IL1RAPL1: variants seen among roughly 807,000 people sequenced by gnomAD.
IL1RAPL1 encodes interleukin-1 receptor accessory protein-like 1.
A neutral mutation model predicts 48.4 loss-of-function variants in IL1RAPL1; 3 were observed. The ratio of observed to expected loss-of-function variants is 0.06; its 90% CI spans 0.03 to 0.16. The LOEUF is 0.16. Among genes scored for constraint, IL1RAPL1 ranks in the 10% least tolerant of loss-of-function variants. IL1RAPL1 has a pLI of 1.00. For synonymous variants in IL1RAPL1, 185 were observed against 187.7 expected, an observed-to-expected ratio of 0.99 and a Z score of 0.12; for missense variants, 349 against 530.6, an observed-to-expected ratio of 0.66 and a Z score of 3.36.
chrX:29,534,828 G>A (rs1041338715), intron 5 of IL1RAPL1, among the ~76,000 whole-genome samples: 5 of 109,977 alleles, frequency 4.5e-5, no homozygotes, highest in African/African-American at 1.7e-4. Context: ...AATTAGCCGG[G>A]CGTGGTGGCG....
chrX:29,887,374 C>T (rs1235360127), intron 6 of IL1RAPL1, among the ~76,000 whole-genome samples: 1 of 112,291 alleles, frequency 8.9e-6, no homozygotes, highest in East Asian at 2.8e-4. Flanking sequence ...GTGGAAGATG[C>T]CTTAGAGCTG....
At chrX:29,716,342 C>T (rs1927483812) in intron 6 of IL1RAPL1, among the ~76,000 whole-genome samples, 1 of 110,872 alleles carries the variant, frequency 9.0e-6, no homozygotes, top group African/African-American at 3.3e-5. Flanking sequence ...AAAGTTGGTC[C>T]CTGGAGAGCC....
intron 6 of IL1RAPL1, among the ~76,000 whole-genome samples, chrX:29,823,859 G>C (rs1930673373): frequency 9.0e-6 from 1 of 111,370 alleles, no homozygotes; most frequent in Middle Eastern, 4.6e-3. Context: ...TTTAAATTTT[G>C]CTCTGAAGAA....
At chrX:29,015,990 G>T (rs1277089186) in intron 2 of IL1RAPL1, among the ~76,000 whole-genome samples, 1 of 111,968 alleles carries the variant, frequency 8.9e-6, no homozygotes, top group East Asian at 2.8e-4. Context: ...TTAGTGGGTA[G>T]AGAAAGTGGT....
At chrX:29,211,077 A>AAC (rs1569260772) in intron 2 of IL1RAPL1, among the ~76,000 whole-genome samples, 1 of 104,621 alleles carries the variant, frequency 9.6e-6, no homozygotes, top group African/African-American at 3.5e-5. Context: ...TCCCTTCTTA[A>AAC]ACACACACAC....
At chrX:28,642,042 A>G (rs1270919349) in intron 1 of IL1RAPL1, among the ~76,000 whole-genome samples, 1 of 111,588 alleles carries the variant, frequency 9.0e-6, no homozygotes, top group East Asian at 2.8e-4. Flanking sequence ...CTTTAAACCA[A>G]CAAAGATAAA....
At chrX:29,593,700 A>C (rs779343470) in intron 5 of IL1RAPL1, among the ~76,000 whole-genome samples, 1 of 112,238 alleles carries the variant, frequency 8.9e-6, no homozygotes, top group East Asian at 2.8e-4. Flanking sequence ...TTTACTCATT[A>C]GTTAAATAGA....
At chrX:29,916,737 G>C (rs925413389) in intron 6 of IL1RAPL1, among the ~76,000 whole-genome samples, 1 of 111,892 alleles carries the variant, frequency 8.9e-6, no homozygotes, top group Non-Finnish European at 1.9e-5. Flanking sequence ...CCACCTTTTA[G>C]AAAGAGACTT....
At chrX:29,333,454 G>A (rs1431576590) in intron 3 of IL1RAPL1, among the ~76,000 whole-genome samples, 15 of 46,416 alleles carry the variant, frequency 3.2e-4, no homozygotes, top group Non-Finnish European at 4.9e-4. Flanking sequence ...CGGGCAGAGG[G>A]GCTCCTCACT....
chrX:29,016,858 CAT>C (rs1300334281), intron 2 of IL1RAPL1, among the ~76,000 whole-genome samples: 2 of 111,257 alleles, frequency 1.8e-5, no homozygotes, highest in Non-Finnish European at 3.8e-5. Context: ...CAGAGTAAAA[CAT>C]ATATACACAT....
rs746664616 is a variant in IL1RAPL1, at chrX:29,507,051, A to G, written c.703+107743A>G. ...TCTGTCAGAGTTTCTTCACTTCTCT[A>G]TGGCCCTAAGAACTGTCTCATCCTC... On this transcript the variant is annotated intron_variant, in intron 5 of 10. Transcript: ENST00000378993. Among the ~76,000 whole-genome samples the G allele has an allele frequency of 2.8e-5, 3 of 109,052 alleles. No individual in the cohort carries two copies. In the South Asian group the frequency reaches 1.2e-3, roughly 45 times the overall value. 94.7% of individuals were successfully genotyped at this position (109,052 alleles called of 115,157 possible).
intron 2 of IL1RAPL1, among the ~76,000 whole-genome samples, chrX:29,090,526 G>A (rs1359606478): frequency 9.0e-6 from 1 of 111,246 alleles, no homozygotes; most frequent in Non-Finnish European, 1.9e-5. Context: ...AAGACATTTT[G>A]GTTTTATTAA....
chrX:29,025,011 T>G (rs887447602), intron 2 of IL1RAPL1, among the ~76,000 whole-genome samples: 9 of 111,473 alleles, frequency 8.1e-5, no homozygotes, highest in African/African-American at 2.9e-4. Context: ...CCAGTTTCTG[T>G]TTCTATAGGT....
intron 3 of IL1RAPL1, among the ~76,000 whole-genome samples, chrX:29,333,289 C>A (rs1250781827): frequency 4.7e-5 from 5 of 106,860 alleles, no homozygotes; most frequent in Non-Finnish European, 9.8e-5. Context: ...TGACCCCCCC[C>A]ACCATCCTCC....
intron 5 of IL1RAPL1, among the ~76,000 whole-genome samples, chrX:29,439,851 G>GTTTTTTTTTTTTTTTTTTTTTGT (rs760458968): frequency 5.0e-5 from 3 of 59,848 alleles, no homozygotes; most frequent in Non-Finnish European, 8.7e-5. Flanking sequence ...TGTTTGTTTG[G>GTTTTTTTTTTTTTTTTTTTTTGT]TTTTTTTTTT....
At position 29,363,057 on chromosome X, in the gene IL1RAPL1, G is replaced by A. The variant is rs1186258885; in HGVS notation, c.363-33201G>A. On this transcript the variant is annotated intron_variant, in intron 3 of 10. Coordinates refer to ENST00000378993, the MANE Select transcript of IL1RAPL1 (RefSeq NM_014271.4). ...ACAGTATGTGGAAGAGCCAGGTTTT[G>A]AAATTAGACAGTCTGGTTCCAGAGG... Among the ~76,000 whole-genome samples, 3 of 111,718 alleles carry A rather than the reference G, an allele frequency of 2.7e-5. No homozygotes were observed. The Admixed American group carries it at 2.9e-4, about 11-fold the overall frequency.
chrX:29,776,809 G>T (rs1929210258), intron 6 of IL1RAPL1, among the ~76,000 whole-genome samples: 1 of 111,767 alleles, frequency 8.9e-6, no homozygotes, highest in Non-Finnish European at 1.9e-5. Context: ...GTCTATATGA[G>T]ACCAAATACT....
At chrX:29,540,420 GAAA>G (rs1317581329) in intron 5 of IL1RAPL1, among the ~76,000 whole-genome samples, 3 of 111,279 alleles carry the variant, frequency 2.7e-5, no homozygotes, top group Non-Finnish European at 5.7e-5. Flanking sequence ...CACAGAACTA[GAAA>G]AAAACTATTC....
In IL1RAPL1 at chrX:29,775,344, G is replaced by C. The variant is rs1428202967; in HGVS notation, c.778+106840G>C. On this transcript the variant is annotated intron_variant, in intron 6 of 10. Transcript: ENST00000378993. Reference sequence around the variant, plus strand: ...ACAAAAGATGGGAGATGGGAGAATGGTGTGCTTTTGTGTGTTAATGTGCCT... The same window carrying C: ...ACAAAAGATGGGAGATGGGAGAATGCTGTGCTTTTGTGTGTTAATGTGCCT... Among the ~76,000 whole-genome samples, 4 of 111,501 alleles carry C rather than the reference G, an allele frequency of 3.6e-5. No individual in the cohort carries two copies. In the Admixed American group the frequency reaches 3.8e-4, roughly 11 times the overall value.
Sources: allele counts gnomAD v4.1 joint callset (sites outside exome capture counted in the v4.1 genomes callset), GRCh38; gene constraint gnomAD v4.1.1; transcripts MANE v1.5; gene names NCBI Gene and HGNC (gene_info 2026-07-23, HGNC 2026-07-21).